COBL: variants seen among roughly 807,000 people sequenced by gnomAD.
COBL encodes protein cordon-bleu.
Under a neutral mutation model 98.8 loss-of-function variants are expected in COBL, and 51 were observed. That is an observed-to-expected ratio of 0.52 (90% CI 0.41 to 0.65). The LOEUF (loss-of-function observed/expected upper bound fraction) is 0.65. Ranked by LOEUF, COBL falls within the 30% of genes least tolerant of loss-of-function variation. The pLI is 0.00. For missense variants in COBL, 1,617 were observed against 1,617.5 expected, an observed-to-expected ratio of 1.00 and a Z score of 0.01; for synonymous variants, 634 against 651.7, an observed-to-expected ratio of 0.97 and a Z score of 0.41.
chr7:51,109,726 C>A (rs976898411), intron 6 of COBL, among the ~76,000 whole-genome samples: 2 of 152,110 alleles, frequency 1.3e-5, no homozygotes, highest in African/African-American at 4.8e-5. Flanking sequence ...GGAAGGGGAG[C>A]CTCAAAAAAG....
intron 6 of COBL, among the ~76,000 whole-genome samples, chr7:51,102,394 A>T (rs1031363863): frequency 6.6e-6 from 1 of 152,120 alleles, no homozygotes; most frequent in Non-Finnish European, 1.5e-5. Context: ...GAAGTGTTTA[A>T]GGGGGAGGGA....
chr7:51,287,211 A>G (rs1800451410), intron 1 of COBL, among the ~76,000 whole-genome samples: 1 of 152,198 alleles, frequency 6.6e-6, no homozygotes, highest in South Asian at 2.1e-4. Flanking sequence ...CCCATGTAAC[A>G]AAACTGCATA....
intron 5 of COBL, among the ~76,000 whole-genome samples, chr7:51,173,211 T>TCA (rs1368776442): frequency 6.6e-6 from 1 of 152,144 alleles, no homozygotes; most frequent in Non-Finnish European, 1.5e-5. Flanking sequence ...GAGCAGAGTC[T>TCA]CACTCTGTTG....
At chr7:51,068,031 C>T (rs112816173) in intron 7 of COBL, among the ~76,000 whole-genome samples, 3,163 of 152,276 alleles carry the variant, frequency 0.021, 107 homozygotes, top group African/African-American at 0.073. Context: ...CTGCCTAGCC[C>T]CAGCCTGGCA....
At position 51,028,724 on chromosome 7, in the gene COBL, G is replaced by C. The variant is rs1787858514; in HGVS notation, c.2372C>G (p.Pro791Arg). 2 of 1,613,946 alleles carry C rather than the reference G, an allele frequency of 1.2e-6. No individual in the cohort carries two copies. Among genetic ancestry groups the C allele is most frequent in the Admixed American group, 1.7e-5 (1 of 60,008 alleles). The stretch of plus-strand genomic sequence containing the variant: ...CTGCGTGGGCACAGGGGTGGAGGGG[G>C]GTCCCCTGGCAGAGCTCTCTGAGGG... ...GRPSESSARG[P>R]PSTPVPTQTQ... The change falls in exon 10 of 13, where the codon CCC becomes CGC. Residue 791 changes from proline to arginine, a missense_variant. This residue lies in a region of COBL where 1,304 missense variants were observed against 1,282.0 expected (regional missense o/e 1.02). Coordinates refer to ENST00000265136, the MANE Select transcript of COBL (RefSeq NM_015198.5).
At chr7:51,141,557 C>T (rs931352344) in intron 5 of COBL, among the ~76,000 whole-genome samples, 1 of 152,080 alleles carries the variant, frequency 6.6e-6, no homozygotes, top group African/African-American at 2.4e-5. Flanking sequence ...AAAGATGAAA[C>T]TAGAAATATG....
intron 5 of COBL, among the ~76,000 whole-genome samples, chr7:51,137,228 C>T (rs1799322328): frequency 6.6e-6 from 1 of 152,156 alleles, no homozygotes; most frequent in Non-Finnish European, 1.5e-5. Flanking sequence ...AGCCCACAGA[C>T]CTTGGAGACA....
At position 51,029,390 on chromosome 7, in the gene COBL, G is replaced by T; in HGVS notation, c.1706C>A (p.Ser569Ter). ...GTCTCTCCTGCTGGCAACACCCTCC[G>T]AGTCGAAAGACCCAGCATTGTTGTT... ...NRNNNAGSFD[S>*]EGVASRRDSL... Residue 569 changes from serine to a stop codon, truncating the protein, a stop_gained, in exon 10 of 13, where the codon TCG (serine) becomes TAG (stop). Transcript: ENST00000265136. LOFTEE classifies it high-confidence loss of function. The T allele has an allele frequency of 6.2e-7, 1 of 1,612,624 alleles. No homozygotes were observed. Among genetic ancestry groups the T allele is most frequent in the Non-Finnish European group, 8.5e-7 (1 of 1,178,934 alleles).
chr7:51,095,787 A>T (rs1795219848), intron 6 of COBL, among the ~76,000 whole-genome samples: 1 of 152,182 alleles, frequency 6.6e-6, no homozygotes, highest in African/African-American at 2.4e-5. Flanking sequence ...CTGTCATAAA[A>T]CAAAGAAGGA....
intron 1 of COBL, chr7:51,316,254 T>C (rs1268152831): frequency 4.7e-6 from 1 of 213,292 alleles, no homozygotes. Flanking sequence ...CGGCAAACAC[T>C]TGGGGGGCCT....
intron 1 of COBL, among the ~76,000 whole-genome samples, chr7:51,303,505 G>C (rs888905461): frequency 2.6e-5 from 4 of 152,208 alleles, no homozygotes; most frequent in African/African-American, 7.2e-5. Flanking sequence ...CCCGGATGGA[G>C]GGAGCCACAG....
intron 6 of COBL, among the ~76,000 whole-genome samples, chr7:51,118,644 C>G (rs995364449): frequency 6.6e-6 from 1 of 151,792 alleles, no homozygotes; most frequent in Non-Finnish European, 1.5e-5. Flanking sequence ...GGAGGGGTGT[C>G]ACATTAGGGT....
chr7:51,199,532 A>C (rs1790924902), intron 2 of COBL, among the ~76,000 whole-genome samples: 1 of 152,252 alleles, frequency 6.6e-6, no homozygotes, highest in Non-Finnish European at 1.5e-5. Context: ...ATCTTAAAGA[A>C]GCTCAATGAG....
rs183411311 is a variant in COBL at position 51,156,741 on chromosome 7, C to A, written c.784-20410G>T. The stretch of plus-strand genomic sequence containing the variant: ...ACACACACACACACACACACACACA[C>A]AATGAACTGTAGTTAAGGTGCACTT... On this transcript the variant is annotated intron_variant, in intron 5 of 12. Transcript: ENST00000265136. 4.2e-4 allele frequency: 63 copies of A among 150,686 alleles called. No homozygotes were observed. In the South Asian group the frequency reaches 5.1e-3, roughly 12 times the overall value. 9.3% of individuals were successfully genotyped at this position (150,686 alleles called of 1,614,324 possible).
chr7:51,134,741 A>T (rs1341536806), intron 6 of COBL, among the ~76,000 whole-genome samples: 4 of 152,146 alleles, frequency 2.6e-5, no homozygotes, highest in Non-Finnish European at 5.9e-5. Context: ...TGCATATTAT[A>T]AAAAAGTTCA....
chr7:51,060,416 T>C (rs528516862), intron 7 of COBL, among the ~76,000 whole-genome samples: 13 of 152,322 alleles, frequency 8.5e-5, no homozygotes, highest in Non-Finnish European at 1.6e-4. Flanking sequence ...AGTGCAGCAA[T>C]GAGCCTGTGC....
At chr7:51,262,315 G>A (rs1437216466) in intron 1 of COBL, among the ~76,000 whole-genome samples, 1 of 152,158 alleles carries the variant, frequency 6.6e-6, no homozygotes, top group Admixed American at 6.5e-5. Flanking sequence ...ACTCTTCAAA[G>A]GAGCCCCAGG....
chr7:51,216,137 C>T (rs1793017498), intron 2 of COBL, among the ~76,000 whole-genome samples: 1 of 152,226 alleles, frequency 6.6e-6, no homozygotes, highest in African/African-American at 2.4e-5. Flanking sequence ...ATGACACAGC[C>T]TAGCACACTA....
intron 6 of COBL, among the ~76,000 whole-genome samples, chr7:51,119,274 T>C (rs1797543075): frequency 6.6e-6 from 1 of 152,212 alleles, no homozygotes. Context: ...ATCCTAGTGA[T>C]ATATATGGCG....
Sources: allele counts gnomAD v4.1 joint callset (sites outside exome capture counted in the v4.1 genomes callset), GRCh38; gene constraint gnomAD v4.1.1; regional missense constraint gnomAD v4.1.1; transcripts MANE v1.5; gene names NCBI Gene and HGNC (gene_info 2026-07-23, HGNC 2026-07-21).